Variants in ZFTRAF1 observed in about 807,000 individuals in gnomAD.
ZFTRAF1 encodes zinc finger TRAF-type and ring finger containing 1.
chr8:144,462,389 G>A, the ZFTRAF1 span: 58 of 421,870 alleles, frequency 1.4e-4, no homozygotes, highest in Admixed American at 1.9e-3. Context: ...CGCCGCCGCC[G>A]CCTCGGCCGC....
chr8:144,460,955 G>A, the ZFTRAF1 span, among the ~76,000 whole-genome samples: 1 of 152,194 alleles, frequency 6.6e-6, no homozygotes, highest in Non-Finnish European at 1.5e-5. Context: ...TGGAGAGTGG[G>A]CACATCTTGG....
chr8:144,462,194 T>C, the ZFTRAF1 span: 2 of 444,300 alleles, frequency 4.5e-6, no homozygotes, highest in African/African-American at 4.3e-5. Context: ...CCCGCAGGCC[T>C]GGCCTCCGAG....
the ZFTRAF1 span, chr8:144,450,768 C>A: frequency 1.4e-6 from 1 of 695,272 alleles, no homozygotes; most frequent in Non-Finnish European, 2.7e-6. Flanking sequence ...CGGAACTGGA[C>A]CTCTGTGGAG....
At chr8:144,461,502 T>C in the ZFTRAF1 span, among the ~76,000 whole-genome samples, 19 of 152,106 alleles carry the variant, frequency 1.2e-4, no homozygotes, top group African/African-American at 4.6e-4. Flanking sequence ...CCCACTGCCA[T>C]GCGGATGTGA....
At chr8:144,462,072 C>T in the ZFTRAF1 span, among the ~76,000 whole-genome samples, 18 of 152,252 alleles carry the variant, frequency 1.2e-4, no homozygotes, top group Admixed American at 6.5e-4. Context: ...GGGTCCCGAG[C>T]GGAAAATAAA....
the ZFTRAF1 span, chr8:144,453,629 T>C: frequency 1.6e-6 from 1 of 622,102 alleles, no homozygotes; most frequent in Non-Finnish European, 2.8e-6. Context: ...CACTGCGAGC[T>C]GCTCAGGAGA....
the ZFTRAF1 span, chr8:144,452,500 C>T: frequency 1.3e-6 from 2 of 1,544,906 alleles, no homozygotes; most frequent in Non-Finnish European, 1.7e-6. Flanking sequence ...CACGCAGCCT[C>T]GTGCACCGTC....
At chr8:144,453,093 A>C in the ZFTRAF1 span, 1 of 816,280 alleles carries the variant, frequency 1.2e-6, no homozygotes, top group African/African-American at 1.7e-5. Context: ...ACTGGGCTAC[A>C]CAGGTGGTCC....
At chr8:144,453,696 T>A in the ZFTRAF1 span, 1 of 532,050 alleles carries the variant, frequency 1.9e-6, no homozygotes, top group Non-Finnish European at 3.4e-6. Context: ...AAGCAAGGCC[T>A]CATCAGCTCA....
chr8:144,450,000 C>T, the ZFTRAF1 span: 12 of 250,696 alleles, frequency 4.8e-5, no homozygotes, highest in East Asian at 2.5e-4. Flanking sequence ...GCAAGGCCCC[C>T]GCGCCCCGCC....
the ZFTRAF1 span, among the ~76,000 whole-genome samples, chr8:144,452,836 G>A: frequency 1.3e-5 from 2 of 152,234 alleles, no homozygotes; most frequent in Admixed American, 1.3e-4. Context: ...CTGTTTGGCA[G>A]TGGTGGTCCT....
chr8:144,450,074 T>C, the ZFTRAF1 span: 1 of 412,194 alleles, frequency 2.4e-6, no homozygotes, highest in South Asian at 2.6e-5. Context: ...GCAGGGTCGC[T>C]GTGCCTCTCG....
chr8:144,455,323 A>G, the ZFTRAF1 span: 2 of 152,156 alleles, frequency 1.3e-5, no homozygotes, highest in East Asian at 3.8e-4. Context: ...TCATGAATAC[A>G]TAAATAAATA....
At chr8:144,459,140 C>T in the ZFTRAF1 span, among the ~76,000 whole-genome samples, 8 of 152,360 alleles carry the variant, frequency 5.3e-5, no homozygotes, top group East Asian at 9.6e-4. Flanking sequence ...TGCAACGTCC[C>T]GGGCACCGCT....
At chr8:144,462,148 G>A in the ZFTRAF1 span, 1 of 356,576 alleles carries the variant, frequency 2.8e-6, no homozygotes, top group Non-Finnish European at 5.0e-6. Context: ...CGAGGAAGTG[G>A]CTGTAAGGGC....
At chr8:144,459,481 G>C in the ZFTRAF1 span, among the ~76,000 whole-genome samples, 1 of 152,238 alleles carries the variant, frequency 6.6e-6, no homozygotes, top group African/African-American at 2.4e-5. Context: ...GAAACCTTTT[G>C]CATGAGGGCC....
At chr8:144,450,496 G>C in the ZFTRAF1 span, 1 of 718,396 alleles carries the variant, frequency 1.4e-6, no homozygotes, top group Non-Finnish European at 2.6e-6. Context: ...CGTTGCTCTC[G>C]TTGGTGAAGA....
chr8:144,458,545 A>T, the ZFTRAF1 span, among the ~76,000 whole-genome samples: 6 of 152,112 alleles, frequency 3.9e-5, no homozygotes, highest in Non-Finnish European at 7.4e-5. Context: ...AGGACTGCAC[A>T]CTGTTGGCCT....
At chr8:144,453,721 C>A in the ZFTRAF1 span, 1 of 428,926 alleles carries the variant, frequency 2.3e-6, no homozygotes. Flanking sequence ...GGTGACAGCT[C>A]GCCCTGGCAG....
Sources: allele counts gnomAD v4.1 joint callset (sites outside exome capture counted in the v4.1 genomes callset), GRCh38; gene constraint gnomAD v4.1.1; transcripts MANE v1.5; gene names NCBI Gene and HGNC (gene_info 2026-07-23, HGNC 2026-07-21).